Variants in C1D observed in about 807,000 individuals in gnomAD.
C1D encodes C1D nuclear receptor corepressor, also known as nuclear nucleic acid-binding protein C1D.
Under a neutral mutation model 17.5 loss-of-function variants are expected in C1D, and 10 were observed. That is an observed-to-expected ratio of 0.57 (90% CI 0.35 to 0.97). The LOEUF (loss-of-function observed/expected upper bound fraction) is 0.97. Ranked by LOEUF, C1D falls within the 50% of genes least tolerant of loss-of-function variation. The probability of loss-of-function intolerance (pLI) is 0.01; values close to 1 mark genes in which losing one functional copy is unlikely to be tolerated. For missense variants in C1D, 136 were observed against 160.1 expected (o/e 0.85, Z 0.81); for synonymous variants, 49 against 54.0 (o/e 0.91, Z 0.40).
At chr2:68,045,069 T>C (rs954144683) in intron 4 of C1D, among the ~76,000 whole-genome samples, 28 of 152,030 alleles carry the variant, frequency 1.8e-4, no homozygotes, top group African/African-American at 6.0e-4. Flanking sequence ...AAATTTATTT[T>C]CCCCCCCAAG....
intron 1 of C1D, among the ~76,000 whole-genome samples, chr2:68,055,851 A>C (rs1671424659): frequency 6.6e-6 from 1 of 152,212 alleles, no homozygotes; most frequent in African/African-American, 2.4e-5. Context: ...TTCTATAGTG[A>C]AATTAGATGG....
In C1D at chr2:68,062,985, G is replaced by A. The variant is rs1439652832; in HGVS notation, c.-37C>T. 2 of 152,234 alleles carry A rather than the reference G, an allele frequency of 1.3e-5. No homozygotes were observed. Among genetic ancestry groups the A allele is most frequent in the African/African-American group, 4.8e-5 (2 of 41,452 alleles). 9.4% of individuals were successfully genotyped at this position (152,234 alleles called of 1,614,324 possible). A position where few individuals can be genotyped will look rare whatever the true frequency, so the allele number is the denominator to read the frequency against. ...CACGGCCTTCGACTCCAGTCTCCCG[G>A]AAAGCGGTCGGGCAACGATGACGAC... On this transcript the variant is annotated 5_prime_UTR_variant, in exon 1 of 5. Coordinates refer to ENST00000410067, the MANE Select transcript of C1D (RefSeq NM_173177.3).
intron 1 of C1D, among the ~76,000 whole-genome samples, chr2:68,052,043 A>C (rs774740917): frequency 8.5e-5 from 13 of 152,150 alleles, no homozygotes; most frequent in Non-Finnish European, 7.3e-5. Flanking sequence ...CGACAGGGAA[A>C]CAGTTAAATG....
At chr2:68,047,098 C>T (rs1001173764) in intron 2 of C1D, 75 bp downstream of exon 2, 2 of 1,370,616 alleles carry the variant, frequency 1.5e-6, no homozygotes, top group African/African-American at 2.9e-5. Flanking sequence ...TAATCTGTTT[C>T]TTCTTCCACA....
intron 1 of C1D, among the ~76,000 whole-genome samples, chr2:68,050,712 G>T (rs1285664891): frequency 6.6e-6 from 1 of 152,174 alleles, no homozygotes; most frequent in Non-Finnish European, 1.5e-5. Context: ...TAAACTGAGG[G>T]TTTTAAATTG....
At chr2:68,044,482 G>A (rs903712201) in intron 4 of C1D, among the ~76,000 whole-genome samples, 1 of 152,232 alleles carries the variant, frequency 6.6e-6, no homozygotes, top group African/African-American at 2.4e-5. Context: ...GCCGAGGCGG[G>A]CAGATCACGA....
rs111539218 is a variant in C1D, at chr2:68,056,926, G to A, written c.-10+6032C>T. Among the ~76,000 whole-genome samples the A allele has an allele frequency of 5.2e-3, 792 of 152,166 alleles. 2 individuals are homozygous for A. The highest frequency in any genetic ancestry group is 0.018 in the African/African-American group (753 of 41,496). On this transcript the variant is annotated intron_variant, in intron 1 of 4. Transcript: ENST00000410067. ...TTTACTTCTCAAAGTATATTTTAGC[G>A]CAAGATAATGTTTAAGGACTTCCAC...
intron 4 of C1D, among the ~76,000 whole-genome samples, chr2:68,044,738 G>T (rs916828700): frequency 6.6e-6 from 1 of 151,956 alleles, no homozygotes; most frequent in Admixed American, 6.6e-5. Flanking sequence ...AAAGAAAAGG[G>T]GAAGAGGTTT....
At chr2:68,046,559 T>C in intron 2 of C1D, 149 bp from the exon 3 acceptor site, 1 of 544,428 alleles carries the variant, frequency 1.8e-6, no homozygotes, top group Non-Finnish European at 3.3e-6. Flanking sequence ...AATAACCAAA[T>C]GATCTGAAAA....
Position 68,046,375 on chromosome 2 carries a change from A to G in C1D, c.174T>C (p.Val58=). Reference sequence around the variant, plus strand: ...ACATTGAATTTAATGTGTATGCAGAAACCAAATCCACTTTTGCTTGTTCAA... The same window carrying G: ...ACATTGAATTTAATGTGTATGCAGAGACCAAATCCACTTTTGCTTGTTCAA... ...DPLEQAKVDL[V]SAYTLNSMFW... The change falls in exon 3 of 5, where the codon GTT becomes GTC. Residue 58 remains valine (V), a synonymous_variant. Transcript: ENST00000410067. 1 of 1,612,530 alleles carries G rather than the reference A, an allele frequency of 6.2e-7. No individual in the cohort carries two copies. Among genetic ancestry groups the G allele is most frequent in the Non-Finnish European group, 8.5e-7 (1 of 1,179,058 alleles).
At chr2:68,045,832 G>A (rs942595303) in intron 4 of C1D, among the ~76,000 whole-genome samples, 156 bp downstream of exon 4, 1 of 151,590 alleles carries the variant, frequency 6.6e-6, no homozygotes, top group Non-Finnish European at 1.5e-5. Context: ...TCTGAAAAAG[G>A]TAAGAGAAAA....
chr2:68,046,628 G>C (rs1366636336), intron 2 of C1D: 1 of 478,924 alleles, frequency 2.1e-6, no homozygotes, highest in Non-Finnish European at 3.7e-6. Flanking sequence ...TTTCACCTTA[G>C]GGTATCATCT....
At chr2:68,058,488 A>C (rs1442302170) in intron 1 of C1D, among the ~76,000 whole-genome samples, 1 of 152,188 alleles carries the variant, frequency 6.6e-6, no homozygotes, top group African/African-American at 2.4e-5. Context: ...GGGCAGAGAG[A>C]GTTCTCACAA....
At chr2:68,055,571 T>G (rs1305819910) in intron 1 of C1D, among the ~76,000 whole-genome samples, 2 of 152,074 alleles carry the variant, frequency 1.3e-5, no homozygotes, top group Non-Finnish European at 1.5e-5. Flanking sequence ...TGGATCTTGA[T>G]TCAAATAAAC....
chr2:68,058,797 C>T (rs561212820), intron 1 of C1D, among the ~76,000 whole-genome samples: 1 of 152,182 alleles, frequency 6.6e-6, no homozygotes, highest in Non-Finnish European at 1.5e-5. Flanking sequence ...CACTACTCCA[C>T]GTGACTAGAA....
intron 4 of C1D, among the ~76,000 whole-genome samples, chr2:68,045,467 T>C (rs181496459): frequency 4.1e-4 from 63 of 152,308 alleles, no homozygotes; most frequent in African/African-American, 1.4e-3. Flanking sequence ...AAGACAAACC[T>C]AGAAGATTTA....
At chr2:68,053,117 A>G (rs190233971) in intron 1 of C1D, 934 of 1,550,842 alleles carry the variant, frequency 6.0e-4, no homozygotes, top group Non-Finnish European at 7.4e-4. Flanking sequence ...GCCCTTCCAC[A>G]TACTCCTTCT....
chr2:68,060,261 C>T (rs1671580896), intron 1 of C1D, among the ~76,000 whole-genome samples: 1 of 152,246 alleles, frequency 6.6e-6, no homozygotes, highest in Non-Finnish European at 1.5e-5. Context: ...TGAACTACAA[C>T]ACCTCCGTGA....
chr2:68,046,502 T>G, intron 2 of C1D, 92 bp from the exon 3 acceptor site: 3 of 843,272 alleles, frequency 3.6e-6, no homozygotes, highest in Non-Finnish European at 5.8e-6. Context: ...ATTTGACTTT[T>G]ACCAAGTACA....
Sources: allele counts gnomAD v4.1 joint callset (sites outside exome capture counted in the v4.1 genomes callset), GRCh38; gene constraint gnomAD v4.1.1; transcripts MANE v1.5; gene names NCBI Gene and HGNC (gene_info 2026-07-23, HGNC 2026-07-21).